TRAPPC9: variants seen among roughly 807,000 people sequenced by gnomAD.
TRAPPC9 encodes IKK2 binding protein.
A neutral mutation model predicts 124.0 loss-of-function variants in TRAPPC9; 83 were observed. The ratio of observed to expected loss-of-function variants is 0.67; its 90% CI spans 0.56 to 0.80. The LOEUF (loss-of-function observed/expected upper bound fraction) is 0.80. Ranked by LOEUF, TRAPPC9 falls within the 30% of genes least tolerant of loss-of-function variation. The pLI is 0.00. For missense variants in TRAPPC9, 1,302 were observed against 1,508.3 expected (o/e 0.86, Z 2.27); for synonymous variants, 638 against 617.5 (o/e 1.03, Z -0.49).
At chr8:139,751,556 T>C (rs1819308097) in intron 21 of TRAPPC9, among the ~76,000 whole-genome samples, 1 of 152,088 alleles carries the variant, frequency 6.6e-6, no homozygotes, top group African/African-American at 2.4e-5. Context: ...GTGAGGTTCT[T>C]AGTTAGGGTG....
At chr8:139,890,590 A>AC (rs1318297937) in intron 20 of TRAPPC9, among the ~76,000 whole-genome samples, 1 of 151,884 alleles carries the variant, frequency 6.6e-6, no homozygotes, top group Non-Finnish European at 1.5e-5. Context: ...ATTGTGAGGG[A>AC]CCCCTTCCCG....
At chr8:140,044,346 T>C (rs1490508339) in intron 17 of TRAPPC9, among the ~76,000 whole-genome samples, 2 of 150,910 alleles carry the variant, frequency 1.3e-5, no homozygotes, top group African/African-American at 4.9e-5. Context: ...TCCCAAGATA[T>C]CAATCACCTC....
intron 17 of TRAPPC9, among the ~76,000 whole-genome samples, chr8:140,204,330 G>A (rs898710125): frequency 5.9e-5 from 9 of 152,040 alleles, no homozygotes; most frequent in Admixed American, 3.3e-4. Flanking sequence ...GTAGGGACAC[G>A]GATGAAGCTG....
rs540417609 is a variant in TRAPPC9 at position 140,004,521 on chromosome 8, T to A, written c.2700-15685A>T. On this transcript the variant is annotated intron_variant, in intron 18 of 22. Coordinates refer to ENST00000438773, the MANE Select transcript of TRAPPC9 (RefSeq NM_001160372.4). ...ACTGTCAGTTTCCCCAGTCCTCCAA[T>A]GGGGATAACAACGCCTATGCTATGG... is the stretch of plus-strand genomic sequence containing the variant. Among the ~76,000 whole-genome samples, 103 of 152,142 alleles carry A rather than the reference T, an allele frequency of 6.8e-4. 1 individual carries two copies. The highest frequency in any genetic ancestry group is 1.1e-3 in the Non-Finnish European group (75 of 68,000).
At chr8:140,142,213 A>G (rs1445314908) in intron 17 of TRAPPC9, among the ~76,000 whole-genome samples, 2 of 152,244 alleles carry the variant, frequency 1.3e-5, no homozygotes, top group Non-Finnish European at 2.9e-5. Flanking sequence ...CCTCAGACAC[A>G]CGGCATCTCG....
At chr8:140,240,510 C>T (rs183563435) in intron 16 of TRAPPC9, among the ~76,000 whole-genome samples, 1 of 152,322 alleles carries the variant, frequency 6.6e-6, no homozygotes, top group Non-Finnish European at 1.5e-5. Context: ...CGGGTGGTTA[C>T]ACTTACCGCC....
At chr8:139,880,444 A>G (rs372425431) in intron 21 of TRAPPC9, among the ~76,000 whole-genome samples, 1 of 152,192 alleles carries the variant, frequency 6.6e-6, no homozygotes, top group East Asian at 1.9e-4. Context: ...CCCATGCCCT[A>G]TGACTTGCAA....
intron 7 of TRAPPC9, among the ~76,000 whole-genome samples, chr8:140,381,296 G>A (rs1366642679): frequency 6.6e-6 from 1 of 151,970 alleles, no homozygotes; most frequent in Non-Finnish European, 1.5e-5. Flanking sequence ...GCATGGATCT[G>A]GTAAGGGACT....
At chr8:139,795,046 A>G (rs1367527448) in intron 21 of TRAPPC9, among the ~76,000 whole-genome samples, 2 of 152,232 alleles carry the variant, frequency 1.3e-5, no homozygotes, top group African/African-American at 4.8e-5. Flanking sequence ...CTCATCCCTT[A>G]GCTTGCTTAG....
At chr8:140,271,348 GA>G (rs1056227846) in intron 15 of TRAPPC9, among the ~76,000 whole-genome samples, 1 of 152,106 alleles carries the variant, frequency 6.6e-6, no homozygotes, top group African/African-American at 2.4e-5. Flanking sequence ...ATTTTTAAAA[GA>G]AAAAATGATT....
At chr8:139,981,361 T>C (rs562236475) in intron 19 of TRAPPC9, among the ~76,000 whole-genome samples, 17 of 152,316 alleles carry the variant, frequency 1.1e-4, no homozygotes, top group African/African-American at 4.1e-4. Context: ...CCCTTGTTTC[T>C]AGAAATTATG....
At chr8:140,423,679 C>CAT (rs35372025) in intron 5 of TRAPPC9, among the ~76,000 whole-genome samples, 2 of 54,844 alleles carry the variant, frequency 3.6e-5, no homozygotes, top group Non-Finnish European at 6.6e-5. Context: ...CACATATACA[C>CAT]ATATATACAC....
chr8:139,990,875 C>T (rs944552617), intron 18 of TRAPPC9, among the ~76,000 whole-genome samples: 5 of 152,158 alleles, frequency 3.3e-5, no homozygotes, highest in African/African-American at 1.2e-4. Flanking sequence ...GGGTGAGCCA[C>T]GGCACCCGGC....
At chr8:139,826,728 G>A (rs549048243) in intron 21 of TRAPPC9, among the ~76,000 whole-genome samples, 6 of 152,182 alleles carry the variant, frequency 3.9e-5, no homozygotes, top group Non-Finnish European at 7.4e-5. Flanking sequence ...GGGACGCCGG[G>A]GGAAAAGCAA....
intron 18 of TRAPPC9, among the ~76,000 whole-genome samples, chr8:140,018,892 A>C (rs1006185003): frequency 3.9e-5 from 6 of 152,014 alleles, no homozygotes; most frequent in African/African-American, 9.7e-5. Context: ...TTATTCTTAG[A>C]GAAAAAGTCA....
chr8:140,032,045 C>T (rs1334324571), intron 17 of TRAPPC9, among the ~76,000 whole-genome samples: 1 of 152,196 alleles, frequency 6.6e-6, no homozygotes, highest in Non-Finnish European at 1.5e-5. Flanking sequence ...GTGCAGAGGG[C>T]CGCCACGTCC....
chr8:140,027,221 T>A (rs114589433), intron 17 of TRAPPC9, among the ~76,000 whole-genome samples: 2,081 of 152,348 alleles, frequency 0.014, 35 homozygotes, highest in African/African-American at 0.047. Context: ...CAGAAAGCTC[T>A]GTAAATGCTG....
chr8:139,844,902 GC>G (rs1826972710), intron 21 of TRAPPC9, among the ~76,000 whole-genome samples: 1 of 152,194 alleles, frequency 6.6e-6, no homozygotes, highest in East Asian at 1.9e-4. Context: ...GAAGGCCTCA[GC>G]CACCCCCATG....
rs1160503815 is a variant in TRAPPC9 at position 140,216,688 on chromosome 8, T to G, written c.2556+4771A>C. Among the ~76,000 whole-genome samples, 1 of 152,102 alleles carries G rather than the reference T, an allele frequency of 6.6e-6. No individual in the cohort carries two copies. Among genetic ancestry groups the G allele is most frequent in the Admixed American group, 6.5e-5 (1 of 15,270 alleles). The stretch of plus-strand genomic sequence containing the variant: ...GCAGCATGCCATACACACACAGACT[T>G]CAGGGGCCTCTGCACCTGCCAGCCG... On this transcript the variant is annotated intron_variant, in intron 17 of 22. Coordinates refer to ENST00000438773, the MANE Select transcript of TRAPPC9 (RefSeq NM_001160372.4). This position sits in a 1 kb window ranked among gnomAD's most constrained non-coding sequence, Gnocchi z 4.1.
Sources: allele counts gnomAD v4.1 joint callset (sites outside exome capture counted in the v4.1 genomes callset), GRCh38; gene constraint gnomAD v4.1.1; non-coding constraint Gnocchi (gnomAD v3.1); transcripts MANE v1.5; gene names NCBI Gene and HGNC (gene_info 2026-07-23, HGNC 2026-07-21).